The following HAND2 variants were observed in gnomAD, a reference collection of about 807,000 sequenced individuals.
HAND2 encodes heart- and neural crest derivatives-expressed protein 2.
A neutral mutation model predicts 14.7 loss-of-function variants in HAND2; 2 were observed. That is an observed-to-expected ratio of 0.14 (90% confidence interval 0.06 to 0.43). HAND2 has a LOEUF of 0.43. HAND2 is among the 20% of genes least tolerant of loss of function. The pLI is 0.99. For synonymous variants in HAND2, 162 were observed against 135.9 expected (o/e 1.19, Z -1.34); for missense variants, 275 against 313.6 (o/e 0.88, Z 0.93).
rs369062431 is a variant in HAND2, at chr4:173,528,691, C to T, written c.555+44G>A. The T allele has an allele frequency of 1.0e-4, 161 of 1,584,718 alleles. No individual in the cohort carries two copies. Among genetic ancestry groups the T allele is most frequent in the South Asian group, 3.6e-4 (32 of 87,848 alleles). On this transcript the variant is annotated intron_variant, in intron 1 of 1. Coordinates refer to ENST00000359562, the MANE Select transcript of HAND2 (RefSeq NM_021973.3). This position sits in a 1 kb window ranked among gnomAD's most constrained non-coding sequence, Gnocchi z 5.6. The stretch of plus-strand genomic sequence containing the variant: ...GGAAAGAGGCCGGGAGCACCAGTTC[C>T]CTGACCCCCTCAGCCCCACCGCCTG...
At position 173,526,785 on chromosome 4, in the gene HAND2, C is replaced by A. The variant is rs1309244767; in HGVS notation, c.*492G>T. 8.5e-6 allele frequency: 3 copies of A among 354,962 alleles called. No homozygotes were observed. The highest frequency in any genetic ancestry group is 2.2e-5 in the South Asian group (1 of 46,074). 22.0% of individuals were successfully genotyped at this position (354,962 alleles called of 1,614,324 possible). On this transcript the variant is annotated 3_prime_UTR_variant, in exon 2 of 2. Coordinates refer to ENST00000359562, the MANE Select transcript of HAND2 (RefSeq NM_021973.3). The stretch of plus-strand genomic sequence containing the variant: ...GGATAGCACTAGATACCGACCCCAA[C>A]GGAAATGTTAGCGGCCCTGTTTTCT...
Position 173,529,212 on chromosome 4 carries a change from T to G in HAND2, c.78A>C (p.Ala26=), listed in dbSNP as rs1199860031. The change falls in exon 1 of 2, where the codon GCA becomes GCC. Residue 26 remains alanine, a synonymous_variant. Transcript: ENST00000359562. ...EGYPFAAAAA[A]AAAAAASRCS... is the part of the protein sequence containing the mutation. ...AGCGGCTGGCGGCGGCGGCGGCAGCTGCGGCGGCGGCGGCGGCAAACGGGT... is the reference window on the plus strand; with the variant it reads ...AGCGGCTGGCGGCGGCGGCGGCAGCGGCGGCGGCGGCGGCGGCAAACGGGT... The G allele has an allele frequency of 2.1e-6, 3 of 1,420,016 alleles. No individual in the cohort carries two copies. Among genetic ancestry groups the G allele is most frequent in the Non-Finnish European group, 2.7e-6 (3 of 1,092,746 alleles). 88.0% of individuals were successfully genotyped at this position (1,420,016 alleles called of 1,614,324 possible).
Position 173,529,276 on chromosome 4 carries a change from C to A in HAND2, c.14G>T (p.Gly5Val). 7.4e-7 allele frequency: 1 copy of A among 1,352,328 alleles called. No individual in the cohort carries two copies. Among genetic ancestry groups the A allele is most frequent in the South Asian group, 2.0e-5 (1 of 49,688 alleles). The allele number at this position is 1,352,328 out of a possible 1,614,324, so 83.8% of individuals were successfully genotyped here. A position where few individuals can be genotyped will look rare whatever the true frequency, so the allele number is the denominator to read the frequency against. MSLV[G>V]GFPHHPVVHH... is the part of the protein sequence containing the mutation. ...CACCACCGGGTGGTGGGGAAAACCA[C>A]CTACCAGACTCATTTCGCCCTCCGC... Residue 5 changes from glycine (G) to valine (V), a missense_variant, in exon 1 of 2, where the codon GGT (glycine) becomes GTT (valine). Gly to Val is a moderately radical substitution (Grantham distance 109). This residue lies in a region of HAND2 where 175 missense variants were observed against 157.1 expected (regional missense o/e 1.11). Coordinates refer to ENST00000359562, the MANE Select transcript of HAND2 (RefSeq NM_021973.3).
In HAND2 at chr4:173,526,160, G is replaced by C. The variant is rs1731447519; in HGVS notation, c.*1117C>G. On this transcript the variant is annotated 3_prime_UTR_variant, in exon 2 of 2. Coordinates refer to ENST00000359562, the MANE Select transcript of HAND2 (RefSeq NM_021973.3). ...AGTTCCCGTTGCAGCAATAATGCCG[G>C]GGTTCTCCTCACAACTCCTCCACCA... is the stretch of plus-strand genomic sequence containing the variant. The C allele has an allele frequency of 6.6e-6, 1 of 151,888 alleles. No homozygotes were observed. The highest frequency in any genetic ancestry group is 1.5e-5 in the Non-Finnish European group (1 of 68,012). The allele number at this position is 151,888 out of a possible 1,614,324, so 9.4% of individuals were successfully genotyped here.
In HAND2 at chr4:173,527,114, G is replaced by T. The variant is rs963812160; in HGVS notation, c.*163C>A. On this transcript the variant is annotated 3_prime_UTR_variant, in exon 2 of 2. Transcript: ENST00000359562. ...ACGGGGAGCAGATGCCTCAAAGGGGGTCAAAGAGAGGGGAAGGAAATTGCA... is the reference window on the plus strand; with the variant it reads ...ACGGGGAGCAGATGCCTCAAAGGGGTTCAAAGAGAGGGGAAGGAAATTGCA... The T allele has an allele frequency of 2.8e-6, 2 of 704,450 alleles. No homozygotes were observed. The highest frequency in any genetic ancestry group is 2.3e-4 in the Middle Eastern group (1 of 4,368). 43.6% of individuals were successfully genotyped at this position (704,450 alleles called of 1,614,324 possible). A position where few individuals can be genotyped will look rare whatever the true frequency, so the allele number is the denominator to read the frequency against.
chr4:173,528,359 T>C lies in HAND2; in HGVS notation c.555+376A>G, dbSNP rs1731530732. On this transcript the variant is annotated intron_variant, in intron 1 of 1. Transcript: ENST00000359562. The surrounding 1 kb of genome is among the most constrained non-coding windows in gnomAD (Gnocchi z 5.6). ...CTTCGAGACTTATTCTGGAAACATC[T>C]GAAAGCAAGATTGGATTGGAGGCCA... is the stretch of plus-strand genomic sequence containing the variant. 1 of 239,092 alleles carries C rather than the reference T, an allele frequency of 4.2e-6. No individual in the cohort carries two copies. Among genetic ancestry groups the C allele is most frequent in the African/African-American group, 2.3e-5 (1 of 44,430 alleles). 14.8% of individuals were successfully genotyped at this position (239,092 alleles called of 1,614,324 possible).
At position 173,528,526 on chromosome 4, in the gene HAND2, C is replaced by G; in HGVS notation, c.555+209G>C. On this transcript the variant is annotated intron_variant, in intron 1 of 1. Transcript: ENST00000359562. This position sits in a 1 kb window ranked among gnomAD's most constrained non-coding sequence, Gnocchi z 5.6. ...GGTAAGATCACCAGCGCAAAGCATC[C>G]CTAACCTTCTCCTCCTCCTGCTGAC... 1 of 621,288 alleles carries G rather than the reference C, an allele frequency of 1.6e-6. No homozygotes were observed. The highest frequency in any genetic ancestry group is 2.8e-6 in the Non-Finnish European group (1 of 351,716). 38.5% of individuals were successfully genotyped at this position (621,288 alleles called of 1,614,324 possible).
rs139852692 is a variant in HAND2, at chr4:173,526,877, C to G, written c.*400G>C. On this transcript the variant is annotated 3_prime_UTR_variant, in exon 2 of 2. Coordinates refer to ENST00000359562, the MANE Select transcript of HAND2 (RefSeq NM_021973.3). ...CCAAAGGCCAAGTATTAAAGATACACTTCACAAACGCACTAGTGCCCACTG... is the reference window on the plus strand; with the variant it reads ...CCAAAGGCCAAGTATTAAAGATACAGTTCACAAACGCACTAGTGCCCACTG... 253 of 446,892 alleles carry G rather than the reference C, an allele frequency of 5.7e-4. 1 individual carries two copies. Among genetic ancestry groups the G allele is most frequent in the African/African-American group, 4.6e-3 (231 of 49,798 alleles). The allele number at this position is 446,892 out of a possible 1,614,324, so 27.7% of individuals were successfully genotyped here.
At position 173,529,352 on chromosome 4, in the gene HAND2, G is replaced by C. The variant is rs1244329915; in HGVS notation, c.-63C>G. The C allele has an allele frequency of 1.7e-6, 2 of 1,204,860 alleles. No homozygotes were observed. Among genetic ancestry groups the C allele is most frequent in the African/African-American group, 3.2e-5 (2 of 62,696 alleles). The allele number at this position is 1,204,860 out of a possible 1,614,324, so 74.6% of individuals were successfully genotyped here. ...CGCAGCCCCGCCGCGCCCTCGGCCC[G>C]GGCCCCTGCCTCAGCGCTCGGCGTC... is the stretch of plus-strand genomic sequence containing the variant. On this transcript the variant is annotated 5_prime_UTR_variant, in exon 1 of 2. Coordinates refer to ENST00000359562, the MANE Select transcript of HAND2 (RefSeq NM_021973.3).
rs2119788 is a variant in HAND2, at chr4:173,526,238, C to T, written c.*1039G>A. 78,101 of 152,010 alleles carry T rather than the reference C, an allele frequency of 0.51. 20,633 individuals carry two copies. The highest frequency in any genetic ancestry group is 0.63 in the African/African-American group (26,074 of 41,438). The allele number at this position is 152,010 out of a possible 1,614,324, so 9.4% of individuals were successfully genotyped here. A position where few individuals can be genotyped will look rare whatever the true frequency, so the allele number is the denominator to read the frequency against. ...GCCTCAAGAAATGGCTTCTGATTGACTTCAGGAAAGCAAGAGCACCTTTAC... is the reference window on the plus strand; with the variant it reads ...GCCTCAAGAAATGGCTTCTGATTGATTTCAGGAAAGCAAGAGCACCTTTAC... On this transcript the variant is annotated 3_prime_UTR_variant, in exon 2 of 2. Transcript: ENST00000359562.
rs1731449781 is a variant in HAND2 at position 173,526,274 on chromosome 4, C to A, written c.*1003G>T. 1 of 152,316 alleles carries A rather than the reference C, an allele frequency of 6.6e-6. No individual in the cohort carries two copies. The highest frequency in any genetic ancestry group is 1.5e-5 in the Non-Finnish European group (1 of 68,062). The allele number at this position is 152,316 out of a possible 1,614,324, so 9.4% of individuals were successfully genotyped here. A position where few individuals can be genotyped will look rare whatever the true frequency, so the allele number is the denominator to read the frequency against. On this transcript the variant is annotated 3_prime_UTR_variant, in exon 2 of 2. Transcript: ENST00000359562. ...CAAGAGCACCTTTACACCTTCTGAG[C>A]GAACTGCCGGACTGGGTTCTCCAGC...
rs531151341 is a variant in HAND2, at chr4:173,526,408, C to T, written c.*869G>A. On this transcript the variant is annotated 3_prime_UTR_variant, in exon 2 of 2. Transcript: ENST00000359562. ...ATTTGCAGGATTTGTAACAAGGACA[C>T]TTCTCTTTAAGAGCACCTCCTCCTC... is the stretch of plus-strand genomic sequence containing the variant. The T allele has an allele frequency of 5.8e-5, 9 of 154,562 alleles. No homozygotes were observed. The highest frequency in any genetic ancestry group is 3.8e-4 in the Admixed American group (6 of 15,586). 9.6% of individuals were successfully genotyped at this position (154,562 alleles called of 1,614,324 possible).
At chr4:173,527,648 G>A (rs1731500709) in intron 1 of HAND2, 3 of 477,710 alleles carry the variant, frequency 6.3e-6, no homozygotes, top group Admixed American at 6.9e-5. Context: ...AGGAGCGGGG[G>A]GCCTTTTCTC....
chr4:173,528,546 G>C lies in HAND2; in HGVS notation c.555+189C>G, dbSNP rs549200658. On this transcript the variant is annotated intron_variant, in intron 1 of 1. Coordinates refer to ENST00000359562, the MANE Select transcript of HAND2 (RefSeq NM_021973.3). The surrounding 1 kb of genome is among the most constrained non-coding windows in gnomAD (Gnocchi z 5.6). ...GCATCCCTAACCTTCTCCTCCTCCT[G>C]CTGACACCCTCCCCTCAACTCTCTG... The C allele has an allele frequency of 1.5e-6, 1 of 663,710 alleles. No homozygotes were observed. The highest frequency in any genetic ancestry group is 2.6e-5 in the Admixed American group (1 of 38,138). 41.1% of individuals were successfully genotyped at this position (663,710 alleles called of 1,614,324 possible).
Position 173,528,848 on chromosome 4 carries a change from T to C in HAND2, c.442A>G (p.Ile148Val). 1 of 1,614,210 alleles carries C rather than the reference T, an allele frequency of 6.2e-7. No individual in the cohort carries two copies. Among genetic ancestry groups the C allele is most frequent in the Middle Eastern group, 1.6e-4 (1 of 6,062 alleles). Reference protein sequence around the residue: ...IKTLRLATSYIAYLMDLLAKD... With the variant: ...IKTLRLATSYVAYLMDLLAKD... ...GCCAGCAGGTCCATGAGGTAGGCGATGTAGCTGGTGGCCAGGCGCAGGGTC... is the reference window on the plus strand; with the variant it reads ...GCCAGCAGGTCCATGAGGTAGGCGACGTAGCTGGTGGCCAGGCGCAGGGTC... Residue 148 changes from isoleucine (I) to valine (V), a missense_variant, in exon 1 of 2, where the codon ATC becomes GTC. Around this residue, in one of 4 missense-constraint regions of HAND2, gnomAD observed 34 missense variants for 77.9 expected, o/e 0.44. Coordinates refer to ENST00000359562, the MANE Select transcript of HAND2 (RefSeq NM_021973.3). This position sits in a 1 kb window ranked among gnomAD's most constrained non-coding sequence, Gnocchi z 5.6.
At position 173,529,182 on chromosome 4, in the gene HAND2, G is replaced by A. The variant is rs1333315300; in HGVS notation, c.108C>T (p.Ser36=). 6.9e-7 allele frequency: 1 copy of A among 1,449,940 alleles called. No homozygotes were observed. The highest frequency in any genetic ancestry group is 3.0e-5 in the Admixed American group (1 of 33,446). 89.8% of individuals were successfully genotyped at this position (1,449,940 alleles called of 1,614,324 possible). ...AAAAAAASRC[S]HEENPYFHGW... ...CATGGAAGTAGGGGTTCTCCTCATG[G>A]CTGCAGCGGCTGGCGGCGGCGGCGG... The change falls in exon 1 of 2, where the codon AGC becomes AGT. Residue 36 remains serine (S), a synonymous_variant. Transcript: ENST00000359562.
chr4:173,529,009 C>A lies in HAND2; in HGVS notation c.281G>T (p.Gly94Val), dbSNP rs140589459. The A allele has an allele frequency of 3.7e-5, 59 of 1,592,194 alleles. No homozygotes were observed. Among genetic ancestry groups the A allele is most frequent in the East Asian group, 1.1e-4 (5 of 44,136 alleles). ...PPGAGPPGLG[G>V]PRPVKRRGTA... ...GCCTCGGCGCTTCACCGGGCGCGGC[C>A]CCCCCAGGCCCGGGGGCCCGGCGCC... is the stretch of plus-strand genomic sequence containing the variant. Residue 94 changes from glycine to valine, a missense_variant, in exon 1 of 2, where the codon GGG becomes GTG. Around this residue, in one of 4 missense-constraint regions of HAND2, gnomAD observed 175 missense variants for 157.1 expected, o/e 1.11. Transcript: ENST00000359562.
intron 1 of HAND2, chr4:173,527,686 G>A (rs1731501635): frequency 5.2e-6 from 2 of 382,046 alleles, no homozygotes. Flanking sequence ...GCGGGAGCTG[G>A]AGTCGGCGCT....
In HAND2 at chr4:173,529,361, C is replaced by A. The variant is rs1436441395; in HGVS notation, c.-72G>T. 1.7e-6 allele frequency: 2 copies of A among 1,159,576 alleles called. No homozygotes were observed. Among genetic ancestry groups the A allele is most frequent in the East Asian group, 3.3e-5 (1 of 29,996 alleles). 71.8% of individuals were successfully genotyped at this position (1,159,576 alleles called of 1,614,324 possible). A position where few individuals can be genotyped will look rare whatever the true frequency, so the allele number is the denominator to read the frequency against. Reference sequence around the variant, plus strand: ...GCCGCGCCCTCGGCCCGGGCCCCTGCCTCAGCGCTCGGCGTCCTCCCCCAC... The same window carrying A: ...GCCGCGCCCTCGGCCCGGGCCCCTGACTCAGCGCTCGGCGTCCTCCCCCAC... On this transcript the variant is annotated 5_prime_UTR_variant, in exon 1 of 2. Transcript: ENST00000359562.
Sources: gnomAD v4.1 joint callset for allele counts on GRCh38, gnomAD v4.1.1 for gene constraint, gnomAD v4.1.1 regional missense constraint, Gnocchi (gnomAD v3.1) non-coding constraint, MANE v1.5 for transcripts, NCBI Gene and HGNC (gene_info 2026-07-23, HGNC 2026-07-21) for gene names.